Variants in SRP19 observed in about 807,000 individuals in gnomAD.
SRP19 encodes signal recognition particle 19 kDa protein.
In SRP19, 11 loss-of-function variants were observed where a neutral mutation model predicts 22.4. The ratio of observed to expected loss-of-function variants is 0.49; its 90% CI spans 0.31 to 0.81. The LOEUF is 0.81. Among genes scored for constraint, SRP19 ranks in the 40% least tolerant of loss-of-function variants. The pLI is 0.05. For synonymous variants in SRP19, 61 were observed against 57.6 expected, an observed-to-expected ratio of 1.06 and a Z score of -0.27; for missense variants, 168 against 175.9, an observed-to-expected ratio of 0.96 and a Z score of 0.25.
At chr5:112,864,317 G>T in intron 2 of SRP19, 140 bp from the exon 3 acceptor site, 1 of 669,054 alleles carries the variant, frequency 1.5e-6, no homozygotes, top group Non-Finnish European at 2.6e-6. Context: ...AATTACAATA[G>T]AAGCATCTGT....
At chr5:112,863,154 G>C (rs1309421570) in intron 2 of SRP19, among the ~76,000 whole-genome samples, 1 of 152,162 alleles carries the variant, frequency 6.6e-6, no homozygotes. Context: ...TTCCCTCTCA[G>C]TCACTGTCGC....
exon 5 of SRP19, chr5:112,892,469 T>C (rs756756106): frequency 1.2e-6 from 2 of 1,614,162 alleles, no homozygotes; most frequent in East Asian, 4.5e-5. Flanking sequence ...AATGTATATG[T>C]TCAGTACCAG....
At chr5:112,870,942 G>A (rs948611488), downstream of SRP19, among the ~76,000 whole-genome samples, 19 of 152,122 alleles carry the variant, frequency 1.2e-4, no homozygotes, top group Middle Eastern at 3.4e-3. Context: ...AATATCTGCC[G>A]CCTGGTTTCA....
chr5:112,874,499 A>C (rs893292669), downstream of SRP19, among the ~76,000 whole-genome samples: 3 of 152,206 alleles, frequency 2.0e-5, no homozygotes, highest in Admixed American at 2.0e-4. Context: ...TTGTTAGTGG[A>C]GGCAGAGATC....
chr5:112,879,336 G>T (rs1466733339), intron 4 of SRP19, among the ~76,000 whole-genome samples: 1 of 57,644 alleles, frequency 1.7e-5, no homozygotes, highest in African/African-American at 9.2e-5. Context: ...GGGGGGGGGG[G>T]CTGGGGGGGC....
downstream of SRP19, among the ~76,000 whole-genome samples, chr5:112,873,899 C>A (rs1308832718): frequency 6.6e-6 from 1 of 151,976 alleles, no homozygotes; most frequent in Non-Finnish European, 1.5e-5. Flanking sequence ...TGCTGTGGCT[C>A]ACACCTGTAA....
intron 4 of SRP19, chr5:112,886,911 G>A: frequency 1.3e-6 from 1 of 770,176 alleles, no homozygotes; most frequent in East Asian, 2.6e-5. Flanking sequence ...TTGGCATTTG[G>A]CTGAGGGGTG....
At chr5:112,871,695 G>C (rs1481491677), downstream of SRP19, among the ~76,000 whole-genome samples, 1 of 152,046 alleles carries the variant, frequency 6.6e-6, no homozygotes, top group Non-Finnish European at 1.5e-5. Flanking sequence ...GGAAATGGAG[G>C]TTGCAGTGAG....
At chr5:112,879,537 G>C (rs767768979) in intron 4 of SRP19, among the ~76,000 whole-genome samples, 1 of 152,098 alleles carries the variant, frequency 6.6e-6, no homozygotes, top group African/African-American at 2.4e-5. Flanking sequence ...GCAGTGGCGC[G>C]ATCTCGGCTC....
At chr5:112,888,397 A>G (rs80152333) in intron 4 of SRP19, among the ~76,000 whole-genome samples, 6,662 of 152,308 alleles carry the variant, frequency 0.044, 392 homozygotes, top group African/African-American at 0.14. Flanking sequence ...CACTCAAAAT[A>G]AAAAACAAAA....
At chr5:112,893,525 T>TACA, downstream of SRP19, 4 of 155,496 alleles carry the variant, frequency 2.6e-5, no homozygotes, top group South Asian at 2.0e-4. Flanking sequence ...GCCAGGCCTC[T>TACA]CTTCACCTTT....
downstream of SRP19, chr5:112,895,905 T>G (rs902902702): frequency 6.6e-6 from 1 of 152,038 alleles, no homozygotes; most frequent in African/African-American, 2.4e-5. Context: ...TCAGACAGAG[T>G]CCATGCTATT....
chr5:112,892,215 T>A (rs768370547), exon 5 of SRP19: 2 of 1,614,062 alleles, frequency 1.2e-6, no homozygotes, highest in Non-Finnish European at 1.7e-6. Context: ...GAGACAGATG[T>A]TCACGTAAAC....
chr5:112,868,217 C>G lies in SRP19; in HGVS notation c.*680C>G. The G allele has an allele frequency of 1.0e-6, 1 of 985,454 alleles. No homozygotes were observed. Among genetic ancestry groups the G allele is most frequent in the Non-Finnish European group, 1.2e-6 (1 of 829,970 alleles). The allele number at this position is 985,454 out of a possible 1,614,324, so 61.0% of individuals were successfully genotyped here. ...TTGTAAAATTAACTGTGCTTTAGCA[C>G]CTTGAGGTACACTTTCCTTCAACAA... On this transcript the variant is annotated 3_prime_UTR_variant, in exon 5 of 5. Transcript: ENST00000505459.
In SRP19 at chr5:112,862,450, C is replaced by A; in HGVS notation, c.42-58C>A. The A allele has an allele frequency of 2.6e-6, 4 of 1,510,086 alleles. No homozygotes were observed. The South Asian group carries it at 4.5e-5, about 17-fold the overall frequency. 93.5% of individuals were successfully genotyped at this position (1,510,086 alleles called of 1,614,324 possible). A position where few individuals can be genotyped will look rare whatever the true frequency, so the allele number is the denominator to read the frequency against. ...GGCCTTTGGTTCCCTGCCACCCGAC[C>A]CTTTTCTCCTGCCTCTTACTGCTCT... On this transcript the variant is annotated intron_variant, in intron 1 of 4. Transcript: ENST00000505459.
At chr5:112,871,047 T>C (rs570080961), downstream of SRP19, among the ~76,000 whole-genome samples, 15 of 152,082 alleles carry the variant, frequency 9.9e-5, no homozygotes, top group African/African-American at 3.6e-4. Context: ...AAAGATGGGG[T>C]TTCACCATGT....
chr5:112,863,317 C>T (rs896593433), intron 2 of SRP19, among the ~76,000 whole-genome samples: 3 of 152,062 alleles, frequency 2.0e-5, no homozygotes, highest in African/African-American at 7.2e-5. Flanking sequence ...TTGAGATTTA[C>T]CTACATATTT....
chr5:112,878,956 G>A (rs1418189872), intron 4 of SRP19: 1 of 1,472,030 alleles, frequency 6.8e-7, no homozygotes, highest in African/African-American at 1.4e-5. Flanking sequence ...TCATGTTCAG[G>A]TGCGATCATG....
chr5:112,875,066 G>T (rs556555987), intron 4 of SRP19, among the ~76,000 whole-genome samples: 2 of 152,140 alleles, frequency 1.3e-5, no homozygotes. Flanking sequence ...GTGAACCACC[G>T]TGCCCGGCCC....
Sources: allele counts gnomAD v4.1 joint callset (sites outside exome capture counted in the v4.1 genomes callset), GRCh38; gene constraint gnomAD v4.1.1; transcripts MANE v1.5; gene names NCBI Gene and HGNC (gene_info 2026-07-23, HGNC 2026-07-21).